Variants in HSPA4 observed in about 807,000 individuals in gnomAD.
HSPA4 encodes heat shock 70 kDa protein 4.
A neutral mutation model predicts 106.2 loss-of-function variants in HSPA4; 25 were observed. That is an observed-to-expected ratio of 0.24 (90% CI 0.17 to 0.33). The LOEUF is 0.33. HSPA4 is among the 10% of genes least tolerant of loss of function. HSPA4 has a pLI of 1.00. For synonymous variants in HSPA4, 332 were observed against 333.6 expected (o/e 1.00, Z 0.05); for missense variants, 841 against 996.0 (o/e 0.84, Z 2.10).
At position 133,092,806 on chromosome 5, in the gene HSPA4, G is replaced by GGT. The variant is rs1765662473; in HGVS notation, c.1650+17_1650+18insGT. The GGT allele has an allele frequency of 5.5e-5, 26 of 474,026 alleles. No homozygotes were observed. In the East Asian group the frequency reaches 1.5e-3, roughly 27 times the overall value. The allele number at this position is 474,026 out of a possible 1,614,324, so 29.4% of individuals were successfully genotyped here. On this transcript the variant is annotated intron_variant, in intron 13 of 18. Coordinates refer to ENST00000304858, the MANE Select transcript of HSPA4 (RefSeq NM_002154.4). ...GAAATGGAGGTATGCATTGGGTGGTGTTTTTTTTTTTTTTTTTTTTTTTTT... is the reference window on the plus strand; with the variant it reads ...GAAATGGAGGTATGCATTGGGTGGTGGTTTTTTTTTTTTTTTTTTTTTTTTTT...
chr5:133,058,195 CAGTCTGGGCA>C (rs1386256008), intron 1 of HSPA4, among the ~76,000 whole-genome samples: 1 of 151,902 alleles, frequency 6.6e-6, no homozygotes, highest in African/African-American at 2.4e-5. Flanking sequence ...AGTGTGAGAC[CAGTCTGGGCA>C]ATATAGCGAG....
At chr5:133,055,198 C>A (rs1283908261) in intron 1 of HSPA4, among the ~76,000 whole-genome samples, 3 of 151,646 alleles carry the variant, frequency 2.0e-5, no homozygotes, top group African/African-American at 7.3e-5. Flanking sequence ...CATTAACTTA[C>A]AGGCATGCCA....
intron 2 of HSPA4, among the ~76,000 whole-genome samples, chr5:133,065,768 C>T (rs941545998): frequency 6.6e-6 from 1 of 152,190 alleles, no homozygotes; most frequent in Non-Finnish European, 1.5e-5. Context: ...TTAGTTTACT[C>T]TGTAAACCAG....
At chr5:133,097,511 C>T (rs59823548) in intron 15 of HSPA4, among the ~76,000 whole-genome samples, 1 of 150,088 alleles carries the variant, frequency 6.7e-6, no homozygotes, top group African/African-American at 2.5e-5. Context: ...TTGACACATT[C>T]GAATATTGTT....
At chr5:133,072,342 G>A (rs1315791620) in intron 4 of HSPA4, among the ~76,000 whole-genome samples, 1 of 151,358 alleles carries the variant, frequency 6.6e-6, no homozygotes, top group Non-Finnish European at 1.5e-5. Context: ...GTAACAATAC[G>A]GGTGAAATGT....
chr5:133,055,388 GCATGTTGTGGGTTTGTTTTAA>G (rs1217893606), intron 1 of HSPA4, among the ~76,000 whole-genome samples: 21 of 134,688 alleles, frequency 1.6e-4, no homozygotes, highest in African/African-American at 4.5e-4. Flanking sequence ...AAAAAAGACT[GCATGTTGTGGGTTTGTTTTAA>G]CATGAGAGTG....
chr5:133,072,307 C>T (rs900786228), intron 4 of HSPA4, among the ~76,000 whole-genome samples: 3 of 151,752 alleles, frequency 2.0e-5, no homozygotes, highest in African/African-American at 7.3e-5. Context: ...CAGAGTCAGC[C>T]TGTGCTTAAC....
chr5:133,093,774 C>A (rs532013760), intron 13 of HSPA4, among the ~76,000 whole-genome samples: 1 of 152,140 alleles, frequency 6.6e-6, no homozygotes, highest in Non-Finnish European at 1.5e-5. Flanking sequence ...TGAGCCACTG[C>A]GCCCAGCCAA....
chr5:133,073,455 C>T (rs949544606), intron 5 of HSPA4, 126 bp downstream of exon 5: 2 of 641,476 alleles, frequency 3.1e-6, no homozygotes, highest in Admixed American at 2.9e-5. Flanking sequence ...CCACTGTGGT[C>T]ATGGTGTTTT....
At chr5:133,072,399 T>TTTTTG (rs1765394218) in intron 4 of HSPA4, among the ~76,000 whole-genome samples, 1 of 137,076 alleles carries the variant, frequency 7.3e-6, no homozygotes, top group Non-Finnish European at 1.6e-5. Context: ...GTTGTTTTTT[T>TTTTTG]TTTTTTTTTT....
intron 7 of HSPA4, among the ~76,000 whole-genome samples, chr5:133,080,873 A>T (rs1433794151): frequency 1.3e-5 from 2 of 152,178 alleles, no homozygotes; most frequent in Non-Finnish European, 2.9e-5. Flanking sequence ...TTCACATACC[A>T]TAAAACCTTA....
rs1014238565 is a variant in HSPA4, at chr5:133,090,976, C to G, written c.1379-217C>G. ...GAAAGAATCGGGAGATATTTGAGTTCTTAATTGGGGCAGGATAAGATAATA... is the reference window on the plus strand; with the variant it reads ...GAAAGAATCGGGAGATATTTGAGTTGTTAATTGGGGCAGGATAAGATAATA... On this transcript the variant is annotated intron_variant, in intron 11 of 18. Coordinates refer to ENST00000304858, the MANE Select transcript of HSPA4 (RefSeq NM_002154.4). 1.6e-5 allele frequency: 10 copies of G among 609,710 alleles called. No individual in the cohort carries two copies. The South Asian group carries it at 1.6e-4, about 10-fold the overall frequency. The allele number at this position is 609,710 out of a possible 1,614,324, so 37.8% of individuals were successfully genotyped here. A position where few individuals can be genotyped will look rare whatever the true frequency, so the allele number is the denominator to read the frequency against.
intron 3 of HSPA4, 115 bp downstream of exon 3, chr5:133,067,672 T>C: frequency 2.2e-6 from 2 of 896,384 alleles, no homozygotes; most frequent in Admixed American, 5.4e-5. Context: ...TACAGTTGCT[T>C]AGGGAAAGCT....
At chr5:133,100,862 G>C (rs1359883003) in intron 16 of HSPA4, among the ~76,000 whole-genome samples, 3 of 152,198 alleles carry the variant, frequency 2.0e-5, no homozygotes. Context: ...CTGGAGTTCA[G>C]TGGTGTTATC....
At chr5:133,060,728 G>T (rs1188130716) in intron 1 of HSPA4, among the ~76,000 whole-genome samples, 2 of 151,634 alleles carry the variant, frequency 1.3e-5, no homozygotes, top group Non-Finnish European at 2.9e-5. Context: ...GTTTTTTAAT[G>T]GAAGTAGGAC....
chr5:133,052,036 C>A lies in HSPA4; in HGVS notation c.-215C>A, dbSNP rs961847378. On this transcript the variant is annotated 5_prime_UTR_variant, in exon 1 of 19. Coordinates refer to ENST00000304858, the MANE Select transcript of HSPA4 (RefSeq NM_002154.4). Reference sequence around the variant, plus strand: ...TCGAGATCTTCTCCGCCCCCGCTACCGGCGCCTCCTCTGCGGCCACTGAGC... The same window carrying A: ...TCGAGATCTTCTCCGCCCCCGCTACAGGCGCCTCCTCTGCGGCCACTGAGC... 1 of 533,380 alleles carries A rather than the reference C, an allele frequency of 1.9e-6. No individual in the cohort carries two copies. The allele number at this position is 533,380 out of a possible 1,614,324, so 33.0% of individuals were successfully genotyped here.
intron 4 of HSPA4, among the ~76,000 whole-genome samples, chr5:133,072,392 GTTTTT>G (rs748459297): frequency 2.6e-5 from 2 of 75,726 alleles, no homozygotes; most frequent in East Asian, 4.1e-4. Flanking sequence ...GTCCAGGGTT[GTTTTT>G]TTTTTTTTTT....
In HSPA4 at chr5:133,052,171, C is replaced by G; in HGVS notation, c.-80C>G. ...AGCCTCGGCCCAAGAGGCCTGCTTT[C>G]CACTCGCTAGCCCCGCCGGGGGTCC... is the stretch of plus-strand genomic sequence containing the variant. On this transcript the variant is annotated 5_prime_UTR_variant, in exon 1 of 19. Coordinates refer to ENST00000304858, the MANE Select transcript of HSPA4 (RefSeq NM_002154.4). 1 of 983,260 alleles carries G rather than the reference C, an allele frequency of 1.0e-6. No homozygotes were observed. Among genetic ancestry groups the G allele is most frequent in the East Asian group, 2.6e-5 (1 of 38,204 alleles). The allele number at this position is 983,260 out of a possible 1,614,324, so 60.9% of individuals were successfully genotyped here. A position where few individuals can be genotyped will look rare whatever the true frequency, so the allele number is the denominator to read the frequency against.
At chr5:133,098,197 A>G (rs1765738817) in intron 15 of HSPA4, among the ~76,000 whole-genome samples, 1 of 152,138 alleles carries the variant, frequency 6.6e-6, no homozygotes, top group South Asian at 2.1e-4. Flanking sequence ...TTCACTTAGA[A>G]TAATGGCCTC....
Sources: gnomAD v4.1 joint callset for allele counts (sites outside exome capture counted in the v4.1 genomes callset) on GRCh38, gnomAD v4.1.1 for gene constraint, MANE v1.5 for transcripts, NCBI Gene and HGNC (gene_info 2026-07-23, HGNC 2026-07-21) for gene names.